ULK4: variants seen among roughly 807,000 people sequenced by gnomAD.
The protein encoded by ULK4 is inactive serine/threonine-protein kinase ULK4.
A neutral mutation model predicts 160.6 loss-of-function variants in ULK4; 133 were observed. The observed-to-expected ratio is 0.83, with a 90% CI of 0.72 to 0.96. The LOEUF is 0.96. Among genes scored for constraint, ULK4 ranks in the 40% least tolerant of loss-of-function variants. ULK4 has a pLI of 0.00. For synonymous variants in ULK4, 534 were observed against 539.8 expected, an observed-to-expected ratio of 0.99 and a Z score of 0.15; for missense variants, 1,580 against 1,499.5, an observed-to-expected ratio of 1.05 and a Z score of -0.89.
intron 34 of ULK4, among the ~76,000 whole-genome samples, chr3:41,436,976 G>A (rs970021944): frequency 6.2e-4 from 94 of 152,220 alleles, no homozygotes; most frequent in African/African-American, 2.1e-3. Context: ...TCTGGAAGTG[G>A]AAAAGCAACA....
chr3:41,562,687 CT>C (rs551032822), intron 32 of ULK4, among the ~76,000 whole-genome samples: 123 of 151,310 alleles, frequency 8.1e-4, no homozygotes, highest in Admixed American at 4.2e-3. Flanking sequence ...GTAACCCCTG[CT>C]TTTTTTTTGC....
At chr3:41,622,279 T>A (rs991363547) in intron 30 of ULK4, among the ~76,000 whole-genome samples, 2 of 152,216 alleles carry the variant, frequency 1.3e-5, no homozygotes, top group African/African-American at 4.8e-5. Context: ...TATATCATTC[T>A]GCTATAAAGA....
chr3:41,817,851 T>G (rs1325714805), intron 19 of ULK4, among the ~76,000 whole-genome samples: 2 of 151,974 alleles, frequency 1.3e-5, no homozygotes, highest in African/African-American at 4.8e-5. Context: ...AATTTGAAAA[T>G]GGACAAAAGA....
At chr3:41,514,648 G>A (rs2085693056) in intron 32 of ULK4, among the ~76,000 whole-genome samples, 1 of 152,188 alleles carries the variant, frequency 6.6e-6, no homozygotes, top group African/African-American at 2.4e-5. Context: ...GAAAGTGGAG[G>A]CCATTATCCT....
At chr3:41,695,650 C>T (rs2036465650) in intron 27 of ULK4, among the ~76,000 whole-genome samples, 1 of 152,064 alleles carries the variant, frequency 6.6e-6, no homozygotes, top group African/African-American at 2.4e-5. Context: ...CTGAATGATG[C>T]CCGCCCAAAG....
chr3:41,554,496 A>C lies in ULK4; in HGVS notation c.3226+11529T>G, dbSNP rs148520300. ...ATGTTCTCATTCATATGTGCAATCT[A>C]AAAAAGTTGATCTCATGTAGGTAGA... is the stretch of plus-strand genomic sequence containing the variant. On this transcript the variant is annotated intron_variant, in intron 32 of 36. Transcript: ENST00000301831. Among the ~76,000 whole-genome samples the C allele has an allele frequency of 2.6e-3, 397 of 152,258 alleles. 1 individual carries two copies. Among genetic ancestry groups the C allele is most frequent in the Admixed American group, 7.1e-3 (108 of 15,296 alleles).
At position 41,773,145 on chromosome 3, in the gene ULK4, C is replaced by T. The variant is rs1460439917; in HGVS notation, c.2193+16516G>A. ...AATGGAAAAAAACTGGAAACATTCC[C>T]TTTGAAAACTGGCACAAGACAGGGA... On this transcript the variant is annotated intron_variant, in intron 21 of 36. Coordinates refer to ENST00000301831, the MANE Select transcript of ULK4 (RefSeq NM_017886.4). Among the ~76,000 whole-genome samples, 8 of 152,166 alleles carry T rather than the reference C, an allele frequency of 5.3e-5. No individual in the cohort carries two copies. The East Asian group carries it at 1.2e-3, about 22-fold the overall frequency.
chr3:41,457,694 G>C (rs1473402474), intron 33 of ULK4, among the ~76,000 whole-genome samples: 1 of 152,124 alleles, frequency 6.6e-6, no homozygotes, highest in Non-Finnish European at 1.5e-5. Flanking sequence ...CCTAACTCCT[G>C]GATTTGCCAC....
At chr3:41,789,558 G>A (rs2040089341) in intron 21 of ULK4, 103 bp downstream of exon 21, 1 of 1,169,386 alleles carries the variant, frequency 8.6e-7, no homozygotes, top group African/African-American at 1.6e-5. Flanking sequence ...GGCCTCTTGG[G>A]ATAAAAAATG....
intron 27 of ULK4, among the ~76,000 whole-genome samples, chr3:41,694,148 A>T (rs2036406186): frequency 6.6e-6 from 1 of 152,234 alleles, no homozygotes; most frequent in Non-Finnish European, 1.5e-5. Context: ...ACTTCCACAA[A>T]GGGACACACA....
At chr3:41,695,299 CCTAA>C (rs746730818) in intron 27 of ULK4, among the ~76,000 whole-genome samples, 16 of 152,168 alleles carry the variant, frequency 1.1e-4, no homozygotes, top group Non-Finnish European at 2.1e-4. Flanking sequence ...GCTTATATTT[CCTAA>C]CTGTTTCTTG....
rs557689676 is a variant in ULK4 at position 41,819,960 on chromosome 3, TA to T, written c.1765-455del. Among the ~76,000 whole-genome samples the T allele has an allele frequency of 2.0e-5, 3 of 152,280 alleles. No individual in the cohort carries two copies. The South Asian group carries it at 6.2e-4, about 32-fold the overall frequency. Reference sequence around the variant, plus strand: ...AAGTAAAAGGTATTATGTTACCTAGTAAGACAAGGAACTAAATAAAATGAGC... The same window carrying T: ...AAGTAAAAGGTATTATGTTACCTAGTAGACAAGGAACTAAATAAAATGAGC... On this transcript the variant is annotated intron_variant, in intron 18 of 36. Coordinates refer to ENST00000301831, the MANE Select transcript of ULK4 (RefSeq NM_017886.4).
intron 32 of ULK4, among the ~76,000 whole-genome samples, chr3:41,480,119 A>T (rs2084270662): frequency 6.6e-6 from 1 of 151,466 alleles, no homozygotes; most frequent in African/African-American, 2.4e-5. Flanking sequence ...AGGCAGGAGA[A>T]TGACGTGAAC....
At position 41,814,003 on chromosome 3, in the gene ULK4, G is replaced by A. The variant is rs559929380; in HGVS notation, c.1848+5420C>T. On this transcript the variant is annotated intron_variant, in intron 19 of 36. Transcript: ENST00000301831. Reference sequence around the variant, plus strand: ...ATGAGGGAAGTGATTCTCAGCCAGCGCTGAGTGGGGTAGACCGCTGCCAAA... The same window carrying A: ...ATGAGGGAAGTGATTCTCAGCCAGCACTGAGTGGGGTAGACCGCTGCCAAA... Among the ~76,000 whole-genome samples, 7 of 152,278 alleles carry A rather than the reference G, an allele frequency of 4.6e-5. No homozygotes were observed. In the East Asian group the frequency reaches 1.2e-3, roughly 25 times the overall value.
At chr3:41,858,143 GT>G (rs1196253451) in intron 17 of ULK4, among the ~76,000 whole-genome samples, 16,711 of 74,776 alleles carry the variant, frequency 0.22, 1,223 homozygotes, top group Middle Eastern at 0.39. Context: ...GGTTTTTTTT[GT>G]TTGTTTTTTT....
intron 21 of ULK4, among the ~76,000 whole-genome samples, chr3:41,759,878 T>C (rs2038929291): frequency 6.6e-6 from 1 of 152,310 alleles, no homozygotes; most frequent in South Asian, 2.1e-4. Context: ...CAAATGATGC[T>C]GGAACACCTG....
At chr3:41,336,659 G>A (rs538231045) in intron 35 of ULK4, among the ~76,000 whole-genome samples, 16 of 152,170 alleles carry the variant, frequency 1.1e-4, no homozygotes, top group Non-Finnish European at 2.1e-4. Context: ...ACAAATGCCC[G>A]TGGTGTGTGT....
intron 21 of ULK4, among the ~76,000 whole-genome samples, chr3:41,762,801 T>G (rs892081394): frequency 6.6e-6 from 1 of 151,814 alleles, no homozygotes; most frequent in Non-Finnish European, 1.5e-5. Context: ...TAGCTGGGAC[T>G]ACAGGTGCCC....
intron 19 of ULK4, among the ~76,000 whole-genome samples, chr3:41,809,192 A>AC (rs2040746628): frequency 6.6e-6 from 1 of 151,686 alleles, no homozygotes; most frequent in African/African-American, 2.4e-5. Context: ...AAAAAACAAA[A>AC]AAAAACAAAA....
Sources: gnomAD v4.1 joint callset for allele counts (sites outside exome capture counted in the v4.1 genomes callset) on GRCh38, gnomAD v4.1.1 for gene constraint, MANE v1.5 for transcripts, NCBI Gene and HGNC (gene_info 2026-07-23, HGNC 2026-07-21) for gene names.